PDIA5: variants seen among roughly 807,000 people sequenced by gnomAD.
The protein encoded by PDIA5 is protein disulfide-isomerase A5.
A neutral mutation model predicts 77.6 loss-of-function variants in PDIA5; 58 were observed. The observed-to-expected ratio is 0.75, with a 90% CI of 0.61 to 0.93. The LOEUF is 0.93. Among genes scored for constraint, PDIA5 ranks in the 40% least tolerant of loss-of-function variants. The pLI is 0.00. For synonymous variants in PDIA5, 250 were observed against 252.1 expected (o/e 0.99, Z 0.08); for missense variants, 630 against 647.7 (o/e 0.97, Z 0.30).
intron 1 of PDIA5, among the ~76,000 whole-genome samples, chr3:123,070,595 G>C (rs1933697900): frequency 6.6e-6 from 1 of 152,134 alleles, no homozygotes; most frequent in South Asian, 2.1e-4. Flanking sequence ...ATGGGTGGCG[G>C]TGCCCTCCCT....
At chr3:123,084,117 T>G (rs1186261210) in intron 1 of PDIA5, among the ~76,000 whole-genome samples, 1 of 152,114 alleles carries the variant, frequency 6.6e-6, no homozygotes, top group Non-Finnish European at 1.5e-5. Flanking sequence ...TCCTCTCTCA[T>G]TCTCAGATCC....
chr3:123,067,138 G>T lies in PDIA5; in HGVS notation c.-27G>T. On this transcript the variant is annotated 5_prime_UTR_variant, in exon 1 of 17. Coordinates refer to ENST00000316218, the MANE Select transcript of PDIA5 (RefSeq NM_006810.4). ...GGAGCGGGCGCCGGAGTGGAGAAAGGAGCCAGCGGTGGGCAGCGCTGCTGG... is the reference window on the plus strand; with the variant it reads ...GGAGCGGGCGCCGGAGTGGAGAAAGTAGCCAGCGGTGGGCAGCGCTGCTGG... The T allele has an allele frequency of 8.0e-7, 1 of 1,245,090 alleles. No homozygotes were observed. 77.1% of individuals were successfully genotyped at this position (1,245,090 alleles called of 1,614,324 possible).
chr3:123,159,139 A>T (rs557318112), intron 15 of PDIA5, among the ~76,000 whole-genome samples: 1 of 152,380 alleles, frequency 6.6e-6, no homozygotes, highest in Admixed American at 6.5e-5. Context: ...TTTAAAGCAG[A>T]TGCAGGGAGA....
At chr3:123,126,907 G>A (rs1206195167) in intron 10 of PDIA5, among the ~76,000 whole-genome samples, 1 of 152,218 alleles carries the variant, frequency 6.6e-6, no homozygotes. Flanking sequence ...TGAGGGCTCT[G>A]GAGTAGATGT....
Position 123,094,524 on chromosome 3 carries a change from T to G in PDIA5, c.257+2082T>G, listed in dbSNP as rs563559958. Among the ~76,000 whole-genome samples the G allele has an allele frequency of 4.6e-5, 7 of 152,352 alleles. No homozygotes were observed. In the South Asian group the frequency reaches 1.4e-3, roughly 32 times the overall value. ...ACTCCTGCTCCTAGACTTCTAAACT[T>G]GCCTGTAATCATCAGGGCATGGGGA... On this transcript the variant is annotated intron_variant, in intron 3 of 16. Transcript: ENST00000316218.
intron 3 of PDIA5, 149 bp downstream of exon 3, chr3:123,092,591 C>T: frequency 1.5e-6 from 1 of 659,808 alleles, no homozygotes; most frequent in Non-Finnish European, 2.7e-6. Context: ...TCGAGGTCAC[C>T]TCTGGACTGG....
chr3:123,122,223 C>T (rs190453431), intron 8 of PDIA5, among the ~76,000 whole-genome samples: 2 of 151,820 alleles, frequency 1.3e-5, no homozygotes, highest in Admixed American at 6.6e-5. Context: ...GCGAGGAGGA[C>T]GTGTAAGATT....
chr3:123,082,743 A>ATCTCTCCCCT (rs1462504957), intron 1 of PDIA5, among the ~76,000 whole-genome samples: 1 of 152,148 alleles, frequency 6.6e-6, no homozygotes. Context: ...ACATTATGTT[A>ATCTCTCCCCT]GATTCTTTGT....
At position 123,089,173 on chromosome 3, in the gene PDIA5, C is replaced by T. The variant is rs1362817611; in HGVS notation, c.48C>T (p.Val16=). The change falls in exon 2 of 17, where the codon GTC becomes GTT. Residue 16 remains valine (V), a synonymous_variant. Coordinates refer to ENST00000316218, the MANE Select transcript of PDIA5 (RefSeq NM_006810.4). ...GTTGGCTCCTTGATCCCCAGGTGGT[C>T]CTGCCATCATGGCTGTCCTCTGCAA... ...PAWLLLAIWV[V]LPSWLSSAKV... is the part of the protein sequence containing the mutation. 9 of 1,613,138 alleles carry T rather than the reference C, an allele frequency of 5.6e-6. No homozygotes were observed. Among genetic ancestry groups the T allele is most frequent in the Non-Finnish European group, 7.6e-6 (9 of 1,179,510 alleles).
intron 11 of PDIA5, among the ~76,000 whole-genome samples, chr3:123,138,199 ACCTC>A (rs1314195606): frequency 1.3e-5 from 2 of 150,912 alleles, no homozygotes; most frequent in African/African-American, 4.9e-5. Flanking sequence ...TCCTGCCTTG[ACCTC>A]CCAAAGTTCT....
chr3:123,079,175 CTTTTTT>C (rs35252405), intron 1 of PDIA5, among the ~76,000 whole-genome samples: 2 of 94,080 alleles, frequency 2.1e-5, no homozygotes, highest in African/African-American at 8.6e-5. Flanking sequence ...ATTTTGAATT[CTTTTTT>C]TTTTTTTTTT....
intron 10 of PDIA5, among the ~76,000 whole-genome samples, chr3:123,129,591 A>G (rs771121382): frequency 5.3e-5 from 8 of 152,194 alleles, no homozygotes; most frequent in Non-Finnish European, 1.2e-4. Flanking sequence ...CAAAGCTGCA[A>G]TTAAGGTGCT....
At chr3:123,143,442 A>G (rs536014724) in intron 11 of PDIA5, among the ~76,000 whole-genome samples, 1 of 150,112 alleles carries the variant, frequency 6.7e-6, no homozygotes. Flanking sequence ...CAGCATGATG[A>G]GTGTGTAGTG....
At chr3:123,079,746 T>C (rs1933947950) in intron 1 of PDIA5, among the ~76,000 whole-genome samples, 1 of 152,202 alleles carries the variant, frequency 6.6e-6, no homozygotes, top group African/African-American at 2.4e-5. Flanking sequence ...TTGTGCCAGC[T>C]ACCTTTCCAA....
intron 8 of PDIA5, among the ~76,000 whole-genome samples, chr3:123,123,402 G>A (rs1466437637): frequency 6.6e-6 from 1 of 152,254 alleles, no homozygotes; most frequent in East Asian, 1.9e-4. Flanking sequence ...GATCCAGCCA[G>A]GCTGTGGGTA....
At position 123,139,610 on chromosome 3, in the gene PDIA5, C is replaced by T. The variant is rs147548418; in HGVS notation, c.911-5912C>T. On this transcript the variant is annotated intron_variant, in intron 11 of 16. Coordinates refer to ENST00000316218, the MANE Select transcript of PDIA5 (RefSeq NM_006810.4). The stretch of plus-strand genomic sequence containing the variant: ...TTCTCCTAGTGAGGTGCAGAGGAGG[C>T]GCAAAGATGGTAGTGGGGAGGAGAG... Among the ~76,000 whole-genome samples the T allele has an allele frequency of 4.3e-4, 66 of 152,210 alleles. 2 individuals are homozygous for T. The highest frequency in any genetic ancestry group is 3.4e-3 in the Middle Eastern group (1 of 292).
At chr3:123,131,755 C>G (rs1040411260) in intron 11 of PDIA5, among the ~76,000 whole-genome samples, 1 of 151,920 alleles carries the variant, frequency 6.6e-6, no homozygotes, top group African/African-American at 2.4e-5. Context: ...GCAGTGTCTT[C>G]CTACTCCCAT....
chr3:123,106,977 GC>G, intron 6 of PDIA5, 136 bp downstream of exon 6: 1 of 666,322 alleles, frequency 1.5e-6, no homozygotes, highest in Non-Finnish European at 2.6e-6. Flanking sequence ...GGGAAGCTAG[GC>G]CAGGACCCTA....
chr3:123,130,654 C>G (rs1935352076), intron 11 of PDIA5, 38 bp downstream of exon 11: 1 of 1,609,890 alleles, frequency 6.2e-7, no homozygotes, highest in Admixed American at 1.7e-5. Context: ...CACACCCTCC[C>G]CTCTCTCAGA....
Sources: gnomAD v4.1 joint callset for allele counts (sites outside exome capture counted in the v4.1 genomes callset) on GRCh38, gnomAD v4.1.1 for gene constraint, MANE v1.5 for transcripts, NCBI Gene and HGNC (gene_info 2026-07-23, HGNC 2026-07-21) for gene names.